COL6A2: variants seen among roughly 807,000 people sequenced by gnomAD.
The protein encoded by COL6A2 is collagen alpha-2(VI) chain.
In COL6A2, 90 loss-of-function variants were observed where a neutral mutation model predicts 124.9. The observed-to-expected ratio is 0.72, with a 90% CI of 0.61 to 0.86. The LOEUF (loss-of-function observed/expected upper bound fraction) is 0.86, where lower values mean the gene tolerates loss of function less well. Among genes scored for constraint, COL6A2 ranks in the 40% least tolerant of loss-of-function variants. COL6A2 has a pLI of 0.00. For missense variants in COL6A2, 1,607 were observed against 1,502.5 expected (o/e 1.07, Z -1.15); for synonymous variants, 793 against 618.2 (o/e 1.28, Z -4.19).
intron 16 of COL6A2, 122 bp from the exon 17 acceptor site, chr21:46,120,939 T>C (rs2078556045): frequency 2.0e-5 from 18 of 917,268 alleles, no homozygotes; most frequent in East Asian, 5.0e-5. Flanking sequence ...GGGAGGGTCA[T>C]AGGGGCCGGG....
rs775361993 is a variant in COL6A2, at chr21:46,121,095, A to G, written c.1430A>G (p.Gln477Arg). ...GGCTTGCCTGGACCCAGAGGCCCCC[A>G]GGGAGCTCTTGGGGAGCCCGGAAAG... ...DRGLPGPRGP[Q>R]GALGEPGKQG... Residue 477 changes from glutamine to arginine, a missense_variant, in exon 17 of 28, where the codon CAG becomes CGG. Around this residue, in one of 3 missense-constraint regions of COL6A2, gnomAD observed 1,223 missense variants for 1,052.2 expected, o/e 1.16. Coordinates refer to ENST00000300527, the MANE Select transcript of COL6A2 (RefSeq NM_001849.4). The G allele has an allele frequency of 2.5e-6, 4 of 1,612,768 alleles. No individual in the cohort carries two copies. Among genetic ancestry groups the G allele is most frequent in the Non-Finnish European group, 3.4e-6 (4 of 1,179,946 alleles).
chr21:46,112,346 C>T lies in COL6A2; in HGVS notation c.483C>T (p.Thr161=), dbSNP rs138312213. 619 of 1,609,606 alleles carry T rather than the reference C, an allele frequency of 3.8e-4. 5 individuals are homozygous for T. In the African/African-American group the frequency reaches 6.6e-3, roughly 17 times the overall value. Residue 161 remains threonine (T), a synonymous_variant, in exon 3 of 28, where the codon ACC becomes ACT. Transcript: ENST00000300527. ...CCGTCCACTTCGCCGTGGTCATCAC[C>T]GACGGCCACGTCACCGGCAGCCCCT... is the stretch of plus-strand genomic sequence containing the variant. ...KGTVHFAVVI[T]DGHVTGSPCG... is the part of the protein sequence containing the mutation.
intron 1 of COL6A2, among the ~76,000 whole-genome samples, chr21:46,107,589 T>C (rs1432243890): frequency 6.6e-6 from 1 of 152,050 alleles, no homozygotes; most frequent in Non-Finnish European, 1.5e-5. Flanking sequence ...CTTTTAAAGG[T>C]CTCAGTAGGA....
chr21:46,123,561 G>A (rs955678527), intron 21 of COL6A2, among the ~76,000 whole-genome samples: 1 of 152,066 alleles, frequency 6.6e-6, no homozygotes, highest in Non-Finnish European at 1.5e-5. Flanking sequence ...GAGGATGGGT[G>A]ATGGATGGAT....
Position 46,122,856 on chromosome 21 carries a change from C to G in COL6A2, c.1609-19C>G, listed in dbSNP as rs773825628. On this transcript the variant is annotated intron_variant, in intron 20 of 27. Transcript: ENST00000300527. ...AGACAGCTCCTCTGTCCCAGGCTAA[C>G]ATGTGTTCCCTGTCACAGGGAGGCC... 1.2e-6 allele frequency: 2 copies of G among 1,611,444 alleles called. No individual in the cohort carries two copies. Among genetic ancestry groups the G allele is most frequent in the African/African-American group, 2.7e-5 (2 of 74,898 alleles).
At chr21:46,109,464 C>T (rs1295638898) in intron 1 of COL6A2, among the ~76,000 whole-genome samples, 1 of 152,200 alleles carries the variant, frequency 6.6e-6, no homozygotes, top group Non-Finnish European at 1.5e-5. Flanking sequence ...TTCAGGCCTG[C>T]CCCAGCCTGA....
intron 27 of COL6A2, 122 bp downstream of exon 27, chr21:46,126,663 C>A: frequency 2.5e-6 from 3 of 1,186,658 alleles, no homozygotes; most frequent in South Asian, 2.6e-5. Flanking sequence ...GGAGCCACTG[C>A]GGAGGCTGCT....
intron 5 of COL6A2, 120 bp from the exon 6 acceptor site, chr21:46,115,751 CA>C: frequency 2.2e-6 from 2 of 892,214 alleles, no homozygotes; most frequent in Admixed American, 4.0e-5. Flanking sequence ...AAGACTTCTC[CA>C]CTTGGGCAGG....
At chr21:46,129,465 C>T (rs2123680238) in intron 27 of COL6A2, 1 of 1,596,908 alleles carries the variant, frequency 6.3e-7, no homozygotes, top group South Asian at 1.1e-5. Context: ...CGTGGGGGAC[C>T]CCGAGACCGC....
chr21:46,122,783 T>C lies in COL6A2; in HGVS notation c.1609-92T>C, dbSNP rs983254503. ...TGCTCCCGTTTAAAGGACCCCAAAA[T>C]GCCAGATCGATTTTTCCACATAAAA... On this transcript the variant is annotated intron_variant, in intron 20 of 27. Coordinates refer to ENST00000300527, the MANE Select transcript of COL6A2 (RefSeq NM_001849.4). The C allele has an allele frequency of 3.7e-6, 5 of 1,337,218 alleles. No homozygotes were observed. In the African/African-American group the frequency reaches 7.2e-5, roughly 19 times the overall value. The allele number at this position is 1,337,218 out of a possible 1,614,324, so 82.8% of individuals were successfully genotyped here. A position where few individuals can be genotyped will look rare whatever the true frequency, so the allele number is the denominator to read the frequency against.
rs202039679 is a variant in COL6A2, at chr21:46,119,830, G to A, written c.1312G>A (p.Asp438Asn). 2.3e-5 allele frequency: 36 copies of A among 1,562,110 alleles called. No homozygotes were observed. Among genetic ancestry groups the A allele is most frequent in the South Asian group, 3.5e-5 (3 of 84,962 alleles). Residue 438 changes from aspartate (D) to asparagine (N), a missense_variant, in exon 15 of 28, where the codon GAT (aspartate) becomes AAT (asparagine). By Grantham distance (23) the Asp-to-Asn change is conservative. Transcript: ENST00000300527. ...DPGTKGSPGSDGPKGEKGDPG... is the reference protein window; with the variant it reads ...DPGTKGSPGSNGPKGEKGDPG... Reference sequence around the variant, plus strand: ...CGGCACCAAGGGCAGCCCAGGCAGCGATGGCCCCAAGGGGGAGAAGGTGAG... The same window carrying A: ...CGGCACCAAGGGCAGCCCAGGCAGCAATGGCCCCAAGGGGGAGAAGGTGAG...
intron 15 of COL6A2, among the ~76,000 whole-genome samples, chr21:46,120,111 TCA>T (rs747464983): frequency 5.8e-5 from 7 of 120,750 alleles, no homozygotes; most frequent in Non-Finnish European, 1.3e-4. Context: ...GAGGCACCAC[TCA>T]CACCCCCCGG....
intron 27 of COL6A2, chr21:46,129,725 C>G (rs2078735522): frequency 1.4e-6 from 2 of 1,397,228 alleles, no homozygotes; most frequent in East Asian, 2.6e-5. Context: ...TGTGGCCGCT[C>G]TCTTTATAAG....
At chr21:46,125,240 T>TGCCCCGGGGGG (rs761765033) in intron 23 of COL6A2, 26 bp from the exon 24 acceptor site, 1 of 1,609,714 alleles carries the variant, frequency 6.2e-7, no homozygotes, top group African/African-American at 1.3e-5. Context: ...CCGGGGGGAC[T>TGCCCCGGGGGG]ACCCTGCCTG....
chr21:46,110,773 CAG>C (rs2078387087), intron 1 of COL6A2, among the ~76,000 whole-genome samples: 2 of 142,438 alleles, frequency 1.4e-5, no homozygotes, highest in South Asian at 4.4e-4. Flanking sequence ...TCTGCGGAGC[CAG>C]CAGCACAGTG....
rs371950486 is a variant in COL6A2 at position 46,126,243 on chromosome 21, C to T, written c.2422+6C>T. The stretch of plus-strand genomic sequence containing the variant: ...GGAGGACGTCCTCTGCCCGGGTGAG[C>T]GTGTGGGCGCGGGGCAGTCGGCCGA... On this transcript the variant is annotated splice_donor_region_variant and intron_variant, in intron 26 of 27. Coordinates refer to ENST00000300527, the MANE Select transcript of COL6A2 (RefSeq NM_001849.4). 3.2e-5 allele frequency: 51 copies of T among 1,597,780 alleles called. 1 individual carries two copies. Among genetic ancestry groups the T allele is most frequent in the Admixed American group, 1.2e-4 (7 of 59,976 alleles).
In COL6A2 at chr21:46,131,900, G is replaced by A. The variant is rs1318896731; in HGVS notation, c.2462-54G>A. On this transcript the variant is annotated intron_variant, in intron 27 of 27. Coordinates refer to ENST00000300527, the MANE Select transcript of COL6A2 (RefSeq NM_001849.4). ...GGGCACAGGTGCGGGGCTGGCACCT[G>A]CCCGGTCCTGCCCACCTCCCCTCCG... 1.8e-4 allele frequency: 267 copies of A among 1,503,580 alleles called. 1 individual carries two copies. The highest frequency in any genetic ancestry group is 2.3e-4 in the Non-Finnish European group (259 of 1,112,850). 93.1% of individuals were successfully genotyped at this position (1,503,580 alleles called of 1,614,324 possible).
In COL6A2 at chr21:46,114,010, C is replaced by A. The variant is rs1436598503; in HGVS notation, c.738C>A (p.Cys246Ter). The change falls in exon 5 of 28, where the codon TGC becomes TGA. Residue 246 changes from cysteine (C) to a stop codon, truncating the protein, a stop_gained and splice_region_variant. Coordinates refer to ENST00000300527, the MANE Select transcript of COL6A2 (RefSeq NM_001849.4). LOFTEE classifies it high-confidence loss of function. The stretch of plus-strand genomic sequence containing the variant: ...CTGTCTCTGCTTCCTCGTTTCAGTG[C>A]TACAAGGTGAGCTGCCTGGAAATCC... Reference protein sequence around the residue: ...KVMKHEAYGECYKVSCLEIPG... With the variant: ...KVMKHEAYGE 2.5e-6 allele frequency: 4 copies of A among 1,613,782 alleles called. No homozygotes were observed. Among genetic ancestry groups the A allele is most frequent in the Non-Finnish European group, 3.4e-6 (4 of 1,179,848 alleles).
chr21:46,112,137 C>G lies in COL6A2; in HGVS notation c.274C>G (p.Leu92Val). ...QNEFYLDQVA[L>V]SWRYGGLHFS... ...CGAGTTCTACCTGGACCAGGTGGCG[C>G]TGAGCTGGCGCTACGGCGGCCTGCA... The change falls in exon 3 of 28, where the codon CTG becomes GTG. Residue 92 changes from leucine to valine, a missense_variant. By Grantham distance (32) the Leu-to-Val change is conservative. This residue lies in a region of COL6A2 where 342 missense variants were observed against 381.5 expected (regional missense o/e 0.90). Transcript: ENST00000300527. The G allele has an allele frequency of 1.9e-6, 3 of 1,613,198 alleles. No homozygotes were observed. The highest frequency in any genetic ancestry group is 2.5e-6 in the Non-Finnish European group (3 of 1,180,038).
Sources: gnomAD v4.1 joint callset for allele counts (sites outside exome capture counted in the v4.1 genomes callset) on GRCh38, gnomAD v4.1.1 for gene constraint, gnomAD v4.1.1 regional missense constraint, MANE v1.5 for transcripts, NCBI Gene and HGNC (gene_info 2026-07-23, HGNC 2026-07-21) for gene names.